The following KCNJ3 variants were observed in gnomAD, a reference collection of about 807,000 sequenced individuals.
KCNJ3 encodes G protein-activated inward rectifier potassium channel 1.
A neutral mutation model predicts 39.2 loss-of-function variants in KCNJ3; 4 were observed. That is an observed-to-expected ratio of 0.10 (90% CI 0.05 to 0.23). KCNJ3 has a LOEUF of 0.23. Among genes scored for constraint, KCNJ3 ranks in the 10% least tolerant of loss-of-function variants. The probability of loss-of-function intolerance (pLI) is 1.00; values close to 1 mark genes in which losing one functional copy is unlikely to be tolerated. For synonymous variants in KCNJ3, 230 were observed against 237.4 expected (o/e 0.97, Z 0.29); for missense variants, 276 against 634.9 (o/e 0.43, Z 6.08).
chr2:154,713,826 A>T (rs1482227259), intron 2 of KCNJ3, among the ~76,000 whole-genome samples: 1 of 152,140 alleles, frequency 6.6e-6, no homozygotes, highest in Non-Finnish European at 1.5e-5. Context: ...TTCAAACTTC[A>T]ATCTGGTTTC....
At position 154,699,697 on chromosome 2, in the gene KCNJ3, T is replaced by C; in HGVS notation, c.702+220T>C. ...CTCGTGCTCTTGTTTATATTCGTCA[T>C]TTCGGATCTGCTTGTATCACTTACT... On this transcript the variant is annotated intron_variant, in intron 1 of 2. Transcript: ENST00000295101. The surrounding 1 kb of genome is among the most constrained non-coding windows in gnomAD (Gnocchi z 6.4). The C allele has an allele frequency of 4.2e-6, 1 of 238,800 alleles. No individual in the cohort carries two copies. Among genetic ancestry groups the C allele is most frequent in the Non-Finnish European group, 6.8e-6 (1 of 147,224 alleles). The allele number at this position is 238,800 out of a possible 1,614,324, so 14.8% of individuals were successfully genotyped here. A position where few individuals can be genotyped will look rare whatever the true frequency, so the allele number is the denominator to read the frequency against.
At chr2:154,713,724 A>G (rs986304395) in intron 2 of KCNJ3, among the ~76,000 whole-genome samples, 1 of 152,142 alleles carries the variant, frequency 6.6e-6, no homozygotes, top group Non-Finnish European at 1.5e-5. Flanking sequence ...GTTACCTCTC[A>G]CTCTTGCTCT....
intron 2 of KCNJ3, among the ~76,000 whole-genome samples, chr2:154,779,260 T>A (rs966482212): frequency 6.6e-6 from 1 of 151,710 alleles, no homozygotes; most frequent in African/African-American, 2.4e-5. Flanking sequence ...AAGTGATTTC[T>A]GCAGATCTTG....
At chr2:154,803,392 A>G (rs1686854815) in intron 2 of KCNJ3, among the ~76,000 whole-genome samples, 1 of 151,952 alleles carries the variant, frequency 6.6e-6, no homozygotes, top group African/African-American at 2.4e-5. Flanking sequence ...CAAACCTTGG[A>G]CTTTTATAAT....
chr2:154,797,575 A>C (rs1686741469), intron 2 of KCNJ3, among the ~76,000 whole-genome samples: 1 of 152,062 alleles, frequency 6.6e-6, no homozygotes, highest in African/African-American at 2.4e-5. Context: ...TATTTTATAA[A>C]ATAAAAAGAT....
At chr2:154,751,190 T>C (rs1016467182) in intron 2 of KCNJ3, among the ~76,000 whole-genome samples, 1 of 152,002 alleles carries the variant, frequency 6.6e-6, no homozygotes. Context: ...TTTATTTTAC[T>C]GATATTTTTC....
intron 2 of KCNJ3, among the ~76,000 whole-genome samples, chr2:154,849,501 C>G (rs1007347517): frequency 6.6e-6 from 1 of 152,132 alleles, no homozygotes; most frequent in Non-Finnish European, 1.5e-5. Flanking sequence ...TTCTCTCCCC[C>G]AATCTCCCGC....
At chr2:154,848,986 T>C (rs1015579586) in intron 2 of KCNJ3, among the ~76,000 whole-genome samples, 1 of 152,222 alleles carries the variant, frequency 6.6e-6, no homozygotes, top group Admixed American at 6.5e-5. Context: ...TATTCACTAA[T>C]TATACTACTA....
At chr2:154,752,122 T>G (rs2105182406) in intron 2 of KCNJ3, among the ~76,000 whole-genome samples, 1 of 152,164 alleles carries the variant, frequency 6.6e-6, no homozygotes, top group Admixed American at 6.6e-5. Flanking sequence ...TTTTATACAT[T>G]TCCATACAAA....
At chr2:154,762,279 G>A (rs17623161) in intron 2 of KCNJ3, among the ~76,000 whole-genome samples, 49,801 of 152,122 alleles carry the variant, frequency 0.33, 9,483 homozygotes, top group Non-Finnish European at 0.43. Flanking sequence ...GGGATTCAAC[G>A]TAATAATAAA....
chr2:154,725,127 C>T (rs891793633), intron 2 of KCNJ3, among the ~76,000 whole-genome samples: 3 of 151,260 alleles, frequency 2.0e-5, no homozygotes, highest in Admixed American at 6.6e-5. Flanking sequence ...ATATCAACTC[C>T]AGCCTATTGT....
At chr2:154,850,306 T>G (rs1687737407) in intron 2 of KCNJ3, among the ~76,000 whole-genome samples, 1 of 152,132 alleles carries the variant, frequency 6.6e-6, no homozygotes, top group Non-Finnish European at 1.5e-5. Flanking sequence ...ATGGATTATT[T>G]TAAAATAACT....
intron 2 of KCNJ3, among the ~76,000 whole-genome samples, chr2:154,781,350 G>C (rs1457835726): frequency 6.6e-6 from 1 of 152,168 alleles, no homozygotes; most frequent in Non-Finnish European, 1.5e-5. Flanking sequence ...TGAACCTTAT[G>C]ACTGTATCTT....
chr2:154,717,986 G>T (rs1685210285), intron 2 of KCNJ3, among the ~76,000 whole-genome samples: 1 of 152,104 alleles, frequency 6.6e-6, no homozygotes, highest in Non-Finnish European at 1.5e-5. Flanking sequence ...CCTCACTCTT[G>T]TTATAGCCAT....
chr2:154,777,642 C>T (rs778756309), intron 2 of KCNJ3, among the ~76,000 whole-genome samples: 12 of 152,100 alleles, frequency 7.9e-5, no homozygotes, highest in East Asian at 1.9e-4. Flanking sequence ...TCTCCCACCC[C>T]CACTGTGTGG....
chr2:154,761,889 C>CA (rs1336441351), intron 2 of KCNJ3, among the ~76,000 whole-genome samples: 2 of 152,086 alleles, frequency 1.3e-5, no homozygotes, highest in African/African-American at 2.4e-5. Flanking sequence ...CCTTACATGG[C>CA]AAAAGAGACT....
intron 2 of KCNJ3, among the ~76,000 whole-genome samples, chr2:154,844,610 A>G (rs2084096): frequency 0.86 from 130,371 of 152,200 alleles, 56,214 homozygotes; most frequent in East Asian, 0.94. Flanking sequence ...CGCCCAGTTC[A>G]AGCTTCCCGG....
At chr2:154,761,275 C>G (rs1558867169) in intron 2 of KCNJ3, among the ~76,000 whole-genome samples, 1 of 152,082 alleles carries the variant, frequency 6.6e-6, no homozygotes, top group South Asian at 2.1e-4. Context: ...CCAAGTCTAC[C>G]TTCACAAGTT....
chr2:154,800,931 T>C (rs558659384), intron 2 of KCNJ3, among the ~76,000 whole-genome samples: 3 of 152,280 alleles, frequency 2.0e-5, no homozygotes, highest in African/African-American at 7.2e-5. Context: ...AAGAACAAGC[T>C]CCTTGGCCTT....
Sources: allele counts gnomAD v4.1 joint callset (sites outside exome capture counted in the v4.1 genomes callset), GRCh38; gene constraint gnomAD v4.1.1; non-coding constraint Gnocchi (gnomAD v3.1); transcripts MANE v1.5; gene names NCBI Gene and HGNC (gene_info 2026-07-23, HGNC 2026-07-21).